Variants in GPC6 observed in about 807,000 individuals in gnomAD.
The protein encoded by GPC6 is glypican-6.
GPC6 carries 14 observed loss-of-function variants against 55.2 expected under a neutral mutation model. The ratio of observed to expected loss-of-function variants is 0.25; its 90% confidence interval spans 0.17 to 0.40. The LOEUF is 0.40. GPC6 is among the 10% of genes least tolerant of loss of function. The pLI, the probability that GPC6 is intolerant of heterozygous loss-of-function variation, is 1.00. For synonymous variants in GPC6, 278 were observed against 259.6 expected (o/e 1.07, Z -0.68); for missense variants, 641 against 708.5 (o/e 0.90, Z 1.08).
At chr13:93,662,652 A>C (rs1323881167) in intron 2 of GPC6, among the ~76,000 whole-genome samples, 2 of 151,844 alleles carry the variant, frequency 1.3e-5, no homozygotes, top group East Asian at 3.9e-4. Context: ...ACGAACAAAC[A>C]AACAAAAAAA....
At chr13:93,707,713 T>C (rs1305099465) in intron 2 of GPC6, among the ~76,000 whole-genome samples, 8 of 151,804 alleles carry the variant, frequency 5.3e-5, no homozygotes, top group African/African-American at 1.9e-4. Context: ...TCTTATTTCT[T>C]GTGATATTTT....
rs79679916 is a variant in GPC6 at position 93,549,536 on chromosome 13, A to G, written c.319+4115A>G. Among the ~76,000 whole-genome samples the G allele has an allele frequency of 5.4e-3, 816 of 152,268 alleles. 13 individuals carry two copies. The highest frequency in any genetic ancestry group is 0.013 in the African/African-American group (547 of 41,560). ...GCAGTGCAGTCACGCAGATGTTATAATAAATGGCAGAGTCAGGATTCCATC... is the reference window on the plus strand; with the variant it reads ...GCAGTGCAGTCACGCAGATGTTATAGTAAATGGCAGAGTCAGGATTCCATC... On this transcript the variant is annotated intron_variant, in intron 2 of 8. Coordinates refer to ENST00000377047, the MANE Select transcript of GPC6 (RefSeq NM_005708.5).
chr13:94,288,306 A>G (rs745400712), intron 5 of GPC6, among the ~76,000 whole-genome samples: 5 of 152,116 alleles, frequency 3.3e-5, no homozygotes, highest in Non-Finnish European at 5.9e-5. Context: ...TTTCTCTAAA[A>G]GCAACAGCTT....
chr13:93,256,337 A>AT lies in GPC6; in HGVS notation c.160+28731dup, dbSNP rs544495745. Among the ~76,000 whole-genome samples the AT allele has an allele frequency of 6.2e-3, 924 of 149,480 alleles. 5 individuals carry two copies. Among genetic ancestry groups the AT allele is most frequent in the Non-Finnish European group, 8.1e-3 (542 of 67,164 alleles). On this transcript the variant is annotated intron_variant, in intron 1 of 8. Transcript: ENST00000377047. ...TTTCCTATGGACAAGAGAGATCGTC[A>AT]TTTTTTTTTTCCTTAAAATGCGTTT...
chr13:93,570,904 T>C (rs1876369307), intron 2 of GPC6, among the ~76,000 whole-genome samples: 1 of 152,104 alleles, frequency 6.6e-6, no homozygotes, highest in Admixed American at 6.6e-5. Flanking sequence ...TGTCTTATAA[T>C]TAATATTAAC....
intron 1 of GPC6, among the ~76,000 whole-genome samples, chr13:93,351,290 C>T (rs1037212519): frequency 6.6e-6 from 1 of 152,010 alleles, no homozygotes; most frequent in South Asian, 2.1e-4. Context: ...TGATTAATAT[C>T]TCAGGCATTT....
At chr13:94,008,607 A>G (rs537480960) in intron 3 of GPC6, among the ~76,000 whole-genome samples, 42 of 152,294 alleles carry the variant, frequency 2.8e-4, no homozygotes, top group Non-Finnish European at 5.9e-5. Context: ...CGCCGAGATC[A>G]TGCCACTGTA....
At chr13:93,385,947 A>G (rs541993661) in intron 1 of GPC6, among the ~76,000 whole-genome samples, 1 of 152,156 alleles carries the variant, frequency 6.6e-6, no homozygotes, top group African/African-American at 2.4e-5. Context: ...ATAAAAAGGA[A>G]AATAATCTCC....
chr13:94,289,417 C>T (rs1203714260), intron 5 of GPC6, among the ~76,000 whole-genome samples: 2 of 152,104 alleles, frequency 1.3e-5, no homozygotes, highest in Non-Finnish European at 2.9e-5. Context: ...GGAGAGTTGG[C>T]CTGTTCACAC....
At chr13:94,031,702 T>G (rs1189052293) in intron 4 of GPC6, among the ~76,000 whole-genome samples, 2 of 152,210 alleles carry the variant, frequency 1.3e-5, no homozygotes, top group African/African-American at 4.8e-5. Context: ...TGTGTTAAAT[T>G]AAAATCTCCT....
intron 3 of GPC6, among the ~76,000 whole-genome samples, chr13:93,962,696 T>C (rs1027604274): frequency 6.6e-6 from 1 of 152,186 alleles, no homozygotes; most frequent in Non-Finnish European, 1.5e-5. Context: ...CAAGCTAGTC[T>C]ATTATACAGA....
chr13:93,340,026 C>CTTTTTTTTTTTTTTTTTTTT (rs10714044), intron 1 of GPC6, among the ~76,000 whole-genome samples: 1 of 81,618 alleles, frequency 1.2e-5, no homozygotes, highest in Non-Finnish European at 2.2e-5. Context: ...AGTTTTCTTT[C>CTTTTTTTTTTTTTTTTTTTT]TTTTTTTTTT....
At chr13:94,367,250 T>C (rs1211171109) in intron 6 of GPC6, among the ~76,000 whole-genome samples, 1 of 152,250 alleles carries the variant, frequency 6.6e-6, no homozygotes, top group East Asian at 1.9e-4. Flanking sequence ...TCTTGAAAAG[T>C]AAATAGTGCC....
intron 3 of GPC6, among the ~76,000 whole-genome samples, chr13:93,942,676 T>C (rs2140364570): frequency 6.6e-6 from 1 of 152,262 alleles, no homozygotes; most frequent in Admixed American, 6.5e-5. Flanking sequence ...GTTGCCATAG[T>C]CTATTCATTA....
In GPC6 at chr13:93,940,006, T is replaced by G. The variant is rs544724888; in HGVS notation, c.712-87723T>G. On this transcript the variant is annotated intron_variant, in intron 3 of 8. Coordinates refer to ENST00000377047, the MANE Select transcript of GPC6 (RefSeq NM_005708.5). ...TTTCTTTTTTATGTAGATTAAGTTA[T>G]ATGCATAACTTATTATGAAAAATAG... Among the ~76,000 whole-genome samples, 22 of 152,326 alleles carry G rather than the reference T, an allele frequency of 1.4e-4. 1 individual carries two copies. In the South Asian group the frequency reaches 4.1e-3, roughly 29 times the overall value.
In GPC6 at chr13:93,325,386, A is replaced by T. The variant is rs141947416; in HGVS notation, c.160+97770A>T. Among the ~76,000 whole-genome samples, 736 of 152,290 alleles carry T rather than the reference A, an allele frequency of 4.8e-3. 8 individuals carry two copies. The highest frequency in any genetic ancestry group is 0.017 in the African/African-American group (717 of 41,562). The stretch of plus-strand genomic sequence containing the variant: ...ATGCATTGCTTTATACTTACAGACA[A>T]TAAGGATTTAATTTATCCCACCTTG... On this transcript the variant is annotated intron_variant, in intron 1 of 8. Transcript: ENST00000377047.
intron 1 of GPC6, among the ~76,000 whole-genome samples, chr13:93,255,940 C>A (rs1028639411): frequency 1.3e-5 from 2 of 151,878 alleles, no homozygotes; most frequent in Non-Finnish European, 2.9e-5. Context: ...TCAAGACCAG[C>A]CTGGCCAACA....
intron 2 of GPC6, among the ~76,000 whole-genome samples, chr13:93,756,705 G>A (rs574304204): frequency 2.0e-5 from 3 of 152,078 alleles, no homozygotes; most frequent in Non-Finnish European, 4.4e-5. Context: ...GGGCATAAGA[G>A]ATGAAGCCCT....
At chr13:93,436,813 T>C (rs1877588759) in intron 1 of GPC6, among the ~76,000 whole-genome samples, 1 of 152,034 alleles carries the variant, frequency 6.6e-6, no homozygotes, top group South Asian at 2.1e-4. Flanking sequence ...GAATTCAGAT[T>C]TAAAATATAT....
Sources: allele counts gnomAD v4.1 joint callset (sites outside exome capture counted in the v4.1 genomes callset), GRCh38; gene constraint gnomAD v4.1.1; transcripts MANE v1.5; gene names NCBI Gene and HGNC (gene_info 2026-07-23, HGNC 2026-07-21).